Variants in CEP63 observed in about 807,000 individuals in gnomAD.
CEP63 encodes the protein centrosomal protein 63, also known as centrosomal protein of 63 kDa.
Under a neutral mutation model 89.1 loss-of-function variants are expected in CEP63, and 84 were observed. The observed-to-expected ratio is 0.94, with a 90% CI of 0.79 to 1.13. The LOEUF (loss-of-function observed/expected upper bound fraction) is 1.13, where lower values mean the gene tolerates loss of function less well. CEP63 is among the 50% of genes most tolerant of loss of function. CEP63 has a pLI of 0.00. For synonymous variants in CEP63, 267 were observed against 272.5 expected (o/e 0.98, Z 0.20); for missense variants, 838 against 813.3 (o/e 1.03, Z -0.37).
the CEP63 span, among the ~76,000 whole-genome samples, chr3:134,614,959 T>A: frequency 9.8e-5 from 15 of 152,320 alleles, no homozygotes; most frequent in East Asian, 2.3e-3. Flanking sequence ...TAGGAGAGAC[T>A]ATGAAGTATG....
chr3:134,597,550 G>A, the CEP63 span, among the ~76,000 whole-genome samples: 1 of 152,160 alleles, frequency 6.6e-6, no homozygotes, highest in Non-Finnish European at 1.5e-5. Context: ...GAGACTCCAG[G>A]TGTTAGCACC....
At chr3:134,511,158 C>A in intron 3 of CEP63, 1 of 172,624 alleles carries the variant, frequency 5.8e-6, no homozygotes, top group East Asian at 1.8e-4. Context: ...TAATGGGTAG[C>A]AGTTTAGAGG....
Position 134,561,419 on chromosome 3 carries a change from T to C in CEP63, c.1996T>C (p.Phe666Leu). The C allele has an allele frequency of 3.1e-6, 5 of 1,613,934 alleles. No homozygotes were observed. Among genetic ancestry groups the C allele is most frequent in the Non-Finnish European group, 3.4e-6 (4 of 1,179,842 alleles). The part of the protein sequence containing the change: ...VSPLGSIATR[F>L]LEEEELRSHH... ...TCCCCTTGGTTCAATAGCTACCAGATTTTTGGAAGAGGAGGAACTGAGGTC... is the reference window on the plus strand; with the variant it reads ...TCCCCTTGGTTCAATAGCTACCAGACTTTTGGAAGAGGAGGAACTGAGGTC... Residue 666 changes from phenylalanine (F) to leucine (L), a missense_variant, in exon 15 of 15, where the codon TTT becomes CTT. Physicochemically the swap from Phe to Leu is conservative, Grantham distance 22 (BLOSUM62 0). Coordinates refer to ENST00000675561, the MANE Select transcript of CEP63 (RefSeq NM_001353108.3).
the CEP63 span, among the ~76,000 whole-genome samples, chr3:134,772,011 T>G: frequency 1.3e-5 from 2 of 152,276 alleles, no homozygotes; most frequent in Admixed American, 1.3e-4. Flanking sequence ...TTGCCATGGA[T>G]GAGGGGTTAG....
At chr3:134,508,716 A>G (rs562908674) in intron 3 of CEP63, among the ~76,000 whole-genome samples, 2 of 152,274 alleles carry the variant, frequency 1.3e-5, no homozygotes, top group South Asian at 2.1e-4. Context: ...ATTTCTCTCA[A>G]AGAGAAATTA....
chr3:134,779,531 A>G, the CEP63 span, among the ~76,000 whole-genome samples: 1 of 152,184 alleles, frequency 6.6e-6, no homozygotes, highest in African/African-American at 2.4e-5. Context: ...GACAAAATGA[A>G]TTTTATCCAC....
At chr3:134,581,119 T>C (rs1348880950) in intron 10 of CEP63, among the ~76,000 whole-genome samples, 1 of 152,072 alleles carries the variant, frequency 6.6e-6, no homozygotes, top group African/African-American at 2.4e-5. Context: ...AAACTAATTC[T>C]CCCATAGACC....
chr3:134,725,259 A>G, the CEP63 span, among the ~76,000 whole-genome samples: 9 of 152,270 alleles, frequency 5.9e-5, no homozygotes, highest in African/African-American at 2.2e-4. Context: ...TTGTCATTCT[A>G]AATAAATATT....
Position 134,550,201 on chromosome 3 carries a change from A to G in CEP63, c.1321A>G (p.Met441Val), listed in dbSNP as rs1954495862. 2 of 1,613,718 alleles carry G rather than the reference A, an allele frequency of 1.2e-6. No individual in the cohort carries two copies. Among genetic ancestry groups the G allele is most frequent in the Non-Finnish European group, 1.7e-6 (2 of 1,179,830 alleles). Residue 441 changes from methionine to valine, a missense_variant, in exon 11 of 15, where the codon ATG (methionine) becomes GTG (valine). By Grantham distance (21) the Met-to-Val change is conservative. Transcript: ENST00000675561. ...IASTKGSSSD[M>V]EKRLRAEMQK... ...TTCCACCAAAGGTTCTTCCTCAGACATGGAAAAGCGACTCAGAGCAGAGAT... is the reference window on the plus strand; with the variant it reads ...TTCCACCAAAGGTTCTTCCTCAGACGTGGAAAAGCGACTCAGAGCAGAGAT...
At chr3:134,638,520 A>C in the CEP63 span, among the ~76,000 whole-genome samples, 1 of 152,280 alleles carries the variant, frequency 6.6e-6, no homozygotes, top group Admixed American at 6.5e-5. Flanking sequence ...ACCAGTTGTC[A>C]ACAAAATCAC....
chr3:134,708,370 C>A, the CEP63 span, among the ~76,000 whole-genome samples: 1 of 152,172 alleles, frequency 6.6e-6, no homozygotes, highest in African/African-American at 2.4e-5. Context: ...GGGAATTTTT[C>A]ATTATCTTGA....
chr3:134,534,956 C>T (rs1028952546), intron 5 of CEP63, among the ~76,000 whole-genome samples: 13 of 152,164 alleles, frequency 8.5e-5, no homozygotes, highest in African/African-American at 2.9e-4. Flanking sequence ...CCCATGTACC[C>T]TGCCTTCCTT....
chr3:134,698,117 C>T, the CEP63 span, among the ~76,000 whole-genome samples: 1 of 152,258 alleles, frequency 6.6e-6, no homozygotes, highest in Non-Finnish European at 1.5e-5. Context: ...CCCCACGGCA[C>T]AGCATGGATG....
Position 134,537,171 on chromosome 3 carries a change from C to A in CEP63, c.458C>A (p.Ser153Ter), listed in dbSNP as rs777174766. The change falls in exon 6 of 15, where the codon TCG (serine) becomes TAG (stop). Residue 153 changes from serine (S) to a stop codon, truncating the protein, a stop_gained. Coordinates refer to ENST00000675561, the MANE Select transcript of CEP63 (RefSeq NM_001353108.3). LOFTEE classifies it high-confidence loss of function. Reference protein sequence around the residue: ...TAKIEEFRQKSLDWEKQRLIY... With the variant: ...TAKIEEFRQK The stretch of plus-strand genomic sequence containing the variant: ...CCTCCTCAGGAATTCCGTCAGAAAT[C>A]GCTGGACTGGGAGAAGCAACGCTTG... 6.2e-7 allele frequency: 1 copy of A among 1,612,590 alleles called. No individual in the cohort carries two copies. The highest frequency in any genetic ancestry group is 8.5e-7 in the Non-Finnish European group (1 of 1,178,636).
At chr3:134,666,832 T>C in the CEP63 span, among the ~76,000 whole-genome samples, 209 of 152,320 alleles carry the variant, frequency 1.4e-3, 1 homozygote, top group Non-Finnish European at 1.6e-3. Flanking sequence ...GGGATCCTCA[T>C]TGATGCCACC....
intron 3 of CEP63, among the ~76,000 whole-genome samples, chr3:134,530,296 C>T (rs1051886796): frequency 6.6e-6 from 1 of 152,164 alleles, no homozygotes; most frequent in Non-Finnish European, 1.5e-5. Context: ...GCACAAGTTT[C>T]GTTTTATAAG....
chr3:134,729,215 C>T, the CEP63 span, among the ~76,000 whole-genome samples: 2 of 152,188 alleles, frequency 1.3e-5, no homozygotes. Flanking sequence ...CCCTAAACCA[C>T]TACATTTTGC....
chr3:134,571,788 T>A (rs1328097003), intron 11 of CEP63, among the ~76,000 whole-genome samples: 6 of 152,196 alleles, frequency 3.9e-5, no homozygotes. Context: ...AAATTTGTGA[T>A]GTAGTATTAT....
In CEP63 at chr3:134,558,336, T is replaced by C. The variant is rs1170659478; in HGVS notation, c.1662T>C (p.Asn554=). ...PTHSRTTEFK[N]TEFKPTHGQH... The stretch of plus-strand genomic sequence containing the variant: ...ACAGCAGAACAACTGAGTTCAAGAA[T>C]ACAGAGTTCAAGTAAAATTTTTTAA... The change falls in exon 13 of 15, where the codon AAT becomes AAC. Residue 554 remains asparagine (N), a synonymous_variant. Coordinates refer to ENST00000675561, the MANE Select transcript of CEP63 (RefSeq NM_001353108.3). 17 of 1,609,074 alleles carry C rather than the reference T, an allele frequency of 1.1e-5. No individual in the cohort carries two copies. Among genetic ancestry groups the C allele is most frequent in the Non-Finnish European group, 1.4e-5 (17 of 1,177,756 alleles).
Sources: gnomAD v4.1 joint callset for allele counts (sites outside exome capture counted in the v4.1 genomes callset) on GRCh38, gnomAD v4.1.1 for gene constraint, MANE v1.5 for transcripts, NCBI Gene and HGNC (gene_info 2026-07-23, HGNC 2026-07-21) for gene names.